CDK6: variants seen among roughly 807,000 people sequenced by gnomAD.
The protein encoded by CDK6 is cyclin dependent kinase 6, also known as cyclin-dependent kinase 6.
A neutral mutation model predicts 37.1 loss-of-function variants in CDK6; 6 were observed. That is an observed-to-expected ratio of 0.16 (90% confidence interval 0.09 to 0.32). The LOEUF is 0.32. Among genes scored for constraint, CDK6 ranks in the 10% least tolerant of loss-of-function variants. CDK6 has a pLI of 1.00. For synonymous variants in CDK6, 160 were observed against 161.3 expected (o/e 0.99, Z 0.06); for missense variants, 224 against 418.9 (o/e 0.53, Z 4.06).
chr7:92,670,514 AG>A (rs756327129), intron 5 of CDK6, among the ~76,000 whole-genome samples: 31 of 152,250 alleles, frequency 2.0e-4, no homozygotes, highest in Non-Finnish European at 3.8e-4. Flanking sequence ...AAAATAGAAA[AG>A]AAAAAAAAGA....
chr7:92,609,383 TTAAG>T lies in CDK6; in HGVS notation c.*5753_*5756del. On this transcript the variant is annotated 3_prime_UTR_variant, in exon 8 of 8. Transcript: ENST00000424848. ...TAAAGTTGCCAAAAAACTTCAAAAGTTAAGTATGTAGACACACTCCTAAGTTGTT... is the reference window on the plus strand; with the variant it reads ...TAAAGTTGCCAAAAAACTTCAAAAGTTATGTAGACACACTCCTAAGTTGTT... The T allele has an allele frequency of 4.3e-6, 1 of 231,288 alleles. No homozygotes were observed. The highest frequency in any genetic ancestry group is 6.2e-5 in the East Asian group (1 of 16,222). 14.3% of individuals were successfully genotyped at this position (231,288 alleles called of 1,614,324 possible). A position where few individuals can be genotyped will look rare whatever the true frequency, so the allele number is the denominator to read the frequency against.
chr7:92,608,009 T>C lies in CDK6; in HGVS notation c.*7131A>G, dbSNP rs570070010. The stretch of plus-strand genomic sequence containing the variant: ...CACAGAAATATTGCTAGCTGATACA[T>C]ATTATTGCATTTCATAAAACTTAAG... On this transcript the variant is annotated 3_prime_UTR_variant, in exon 8 of 8. Transcript: ENST00000424848. 1 of 233,408 alleles carries C rather than the reference T, an allele frequency of 4.3e-6. No individual in the cohort carries two copies. The highest frequency in any genetic ancestry group is 2.2e-5 in the African/African-American group (1 of 45,452). The allele number at this position is 233,408 out of a possible 1,614,324, so 14.5% of individuals were successfully genotyped here.
chr7:92,676,385 T>C (rs1162093371), intron 4 of CDK6, among the ~76,000 whole-genome samples: 1 of 152,166 alleles, frequency 6.6e-6, no homozygotes, highest in Non-Finnish European at 1.5e-5. Context: ...GTAGGATTTA[T>C]TGTTGTTTTC....
chr7:92,638,489 A>G (rs1796226742), intron 5 of CDK6, among the ~76,000 whole-genome samples: 1 of 152,190 alleles, frequency 6.6e-6, no homozygotes, highest in Admixed American at 6.5e-5. Flanking sequence ...GCTTCAGAGC[A>G]AATCGGGGTC....
intron 5 of CDK6, among the ~76,000 whole-genome samples, chr7:92,670,743 G>C (rs1490217994): frequency 6.6e-6 from 1 of 152,184 alleles, no homozygotes; most frequent in African/African-American, 2.4e-5. Flanking sequence ...CCAATGTGTG[G>C]AGGTCCAGCC....
intron 2 of CDK6, among the ~76,000 whole-genome samples, chr7:92,775,723 G>A (rs1322963764): frequency 6.6e-6 from 1 of 152,028 alleles, no homozygotes; most frequent in Non-Finnish European, 1.5e-5. Flanking sequence ...TAAACAAGCT[G>A]TAAGTACATT....
rs372051901 is a variant in CDK6, at chr7:92,628,432, T to A, written c.648-5346A>T. ...TGATTTCTACACACAAACTGGAAGT[T>A]CTCTGAGGACAGGGCCAACCCTCAC... On this transcript the variant is annotated intron_variant, in intron 5 of 7. Coordinates refer to ENST00000424848, the MANE Select transcript of CDK6 (RefSeq NM_001145306.2). 1.8e-3 allele frequency among the ~76,000 whole-genome samples: 274 copies of A among 152,244 alleles called. 11 individuals are homozygous for A. The South Asian group carries it at 0.054, about 30-fold the overall frequency.
At chr7:92,741,986 T>C (rs943398328) in intron 3 of CDK6, among the ~76,000 whole-genome samples, 2 of 152,172 alleles carry the variant, frequency 1.3e-5, no homozygotes, top group African/African-American at 2.4e-5. Flanking sequence ...ATGCTTTTAA[T>C]ATTTAAAGCA....
In CDK6 at chr7:92,611,420, G is replaced by A. The variant is rs1795560300; in HGVS notation, c.*3720C>T. ...TTTGGAAAATGTAAGACACTCTCAT[G>A]TGCTTATCATAAGAATAGTCAAATT... On this transcript the variant is annotated 3_prime_UTR_variant, in exon 8 of 8. Coordinates refer to ENST00000424848, the MANE Select transcript of CDK6 (RefSeq NM_001145306.2). 4.4e-6 allele frequency: 1 copy of A among 226,744 alleles called. No homozygotes were observed. The highest frequency in any genetic ancestry group is 1.8e-4 in the South Asian group (1 of 5,474). The allele number at this position is 226,744 out of a possible 1,614,324, so 14.0% of individuals were successfully genotyped here.
At chr7:92,650,990 A>G (rs913028145) in intron 5 of CDK6, among the ~76,000 whole-genome samples, 3 of 151,918 alleles carry the variant, frequency 2.0e-5, no homozygotes, top group Admixed American at 6.6e-5. Context: ...CCCAGGTTCA[A>G]GTGATTCTCC....
chr7:92,799,086 T>C (rs1203052883), intron 2 of CDK6, among the ~76,000 whole-genome samples: 6 of 152,174 alleles, frequency 3.9e-5, no homozygotes, highest in Non-Finnish European at 8.8e-5. Context: ...CAAAAATGTT[T>C]AACTGTGCCT....
At chr7:92,716,978 A>C (rs1446466456) in intron 4 of CDK6, among the ~76,000 whole-genome samples, 1 of 152,150 alleles carries the variant, frequency 6.6e-6, no homozygotes, top group Non-Finnish European at 1.5e-5. Context: ...ATTAATCTTA[A>C]GACAATGCTT....
At chr7:92,711,551 A>ATTTTTTTTTTTTTTTTT (rs1562943375) in intron 4 of CDK6, among the ~76,000 whole-genome samples, 2 of 130,532 alleles carry the variant, frequency 1.5e-5, no homozygotes, top group African/African-American at 6.6e-5. Context: ...GGAATGGTCA[A>ATTTTTTTTTTTTTTTTT]ATTTTTTTTT....
At chr7:92,681,841 G>A (rs935233278) in intron 4 of CDK6, among the ~76,000 whole-genome samples, 1 of 151,878 alleles carries the variant, frequency 6.6e-6, no homozygotes, top group Non-Finnish European at 1.5e-5. Flanking sequence ...CCCCACCCCC[G>A]CTCCAATCCA....
chr7:92,647,801 G>C (rs1796484739), intron 5 of CDK6, among the ~76,000 whole-genome samples: 1 of 152,248 alleles, frequency 6.6e-6, no homozygotes, highest in African/African-American at 2.4e-5. Flanking sequence ...GGAAGGAACA[G>C]TGGTGTAGTG....
At chr7:92,705,329 A>G (rs894539290) in intron 4 of CDK6, among the ~76,000 whole-genome samples, 2 of 152,248 alleles carry the variant, frequency 1.3e-5, no homozygotes, top group African/African-American at 4.8e-5. Flanking sequence ...TATTTTTACT[A>G]CGATGTCCTT....
intron 4 of CDK6, among the ~76,000 whole-genome samples, chr7:92,702,313 A>G (rs901166968): frequency 7.6e-6 from 1 of 131,982 alleles, no homozygotes; most frequent in Non-Finnish European, 1.5e-5. Context: ...GCTCACTTCA[A>G]CCTCTGCCTC....
intron 4 of CDK6, among the ~76,000 whole-genome samples, chr7:92,686,698 T>A (rs964355761): frequency 6.6e-6 from 1 of 152,152 alleles, no homozygotes; most frequent in African/African-American, 2.4e-5. Context: ...CTTTAAGGAA[T>A]CTCCACACTG....
chr7:92,639,770 G>A (rs2116531575), intron 5 of CDK6, among the ~76,000 whole-genome samples: 1 of 152,240 alleles, frequency 6.6e-6, no homozygotes, highest in South Asian at 2.1e-4. Flanking sequence ...TTGGAAGCTG[G>A]AATAAAAACC....
Sources: gnomAD v4.1 joint callset for allele counts (sites outside exome capture counted in the v4.1 genomes callset) on GRCh38, gnomAD v4.1.1 for gene constraint, MANE v1.5 for transcripts, NCBI Gene and HGNC (gene_info 2026-07-23, HGNC 2026-07-21) for gene names.